The following RTL9 variants were observed in gnomAD, a reference collection of about 807,000 sequenced individuals.
The protein encoded by RTL9 is retrotransposon Gag like 9, also known as retrotransposon Gag-like protein 9.
A neutral mutation model predicts 44.7 loss-of-function variants in RTL9; 19 were observed. The observed-to-expected ratio is 0.42, with a 90% CI of 0.30 to 0.62. The LOEUF (loss-of-function observed/expected upper bound fraction) is 0.62, where lower values mean the gene tolerates loss of function less well. Among genes scored for constraint, RTL9 ranks in the 20% least tolerant of loss-of-function variants. RTL9 has a pLI of 0.16. For missense variants in RTL9, 1,105 were observed against 1,080.6 expected, an observed-to-expected ratio of 1.02 and a Z score of -0.32; for synonymous variants, 407 against 398.9, an observed-to-expected ratio of 1.02 and a Z score of -0.24.
At chrX:110,415,438 C>T (rs1455153822), upstream of RTL9, among the ~76,000 whole-genome samples, 1 of 111,721 alleles carries the variant, frequency 9.0e-6, no homozygotes, top group African/African-American at 3.3e-5. Flanking sequence ...TCCCCATTTT[C>T]AAAATGTTCT....
chrX:110,455,585 C>T lies in RTL9; in HGVS notation c.*264C>T, dbSNP rs145462146. 1.4e-3 allele frequency: 375 copies of T among 262,869 alleles called. 1 individual carries two copies. The highest frequency in any genetic ancestry group is 8.8e-3 in the Middle Eastern group (8 of 904). The allele number at this position is 262,869 out of a possible 1,213,427, so 21.7% of individuals were successfully genotyped here. A position where few individuals can be genotyped will look rare whatever the true frequency, so the allele number is the denominator to read the frequency against. On this transcript the variant is annotated 3_prime_UTR_variant, in exon 2 of 2. Coordinates refer to ENST00000540313, the Ensembl canonical transcript of RTL9. ...TTCTGAACTCCCATCACCACCGAGG[C>T]CAGTCCTAGTTCTTGGTCCAGGGAG...
At chrX:110,393,646 C>T (rs2068509558) in intron 1 of RTL9, among the ~76,000 whole-genome samples, 1 of 112,091 alleles carries the variant, frequency 8.9e-6, no homozygotes, top group Non-Finnish European at 1.9e-5. Flanking sequence ...CTTGGCCTAC[C>T]CTGGCCTGAG....
chrX:110,429,228 C>G (rs2068776998), intron 1 of RTL9, among the ~76,000 whole-genome samples: 1 of 110,600 alleles, frequency 9.0e-6, no homozygotes, highest in African/African-American at 3.3e-5. Context: ...AGGGCAAGGA[C>G]TCTATTTTGT....
chrX:110,445,447 A>G (rs2068903118), intron 2 of RTL9, among the ~76,000 whole-genome samples, 179 bp downstream of exon 2: 2 of 111,361 alleles, frequency 1.8e-5, no homozygotes, highest in South Asian at 7.7e-4. Context: ...CCCCCTCTTT[A>G]TTTATAAAGA....
intron 1 of RTL9, among the ~76,000 whole-genome samples, chrX:110,361,435 C>G (rs1299891001): frequency 9.0e-6 from 1 of 111,557 alleles, no homozygotes; most frequent in Non-Finnish European, 1.9e-5. Flanking sequence ...CTATTATTCT[C>G]TCACTGTTTT....
chrX:110,387,857 C>CTCTT (rs745786546), intron 1 of RTL9, among the ~76,000 whole-genome samples: 17 of 82,800 alleles, frequency 2.1e-4, no homozygotes, highest in African/African-American at 6.4e-4. Flanking sequence ...CTCCCTCTCT[C>CTCTT]TTTTTTTTTT....
chrX:110,426,027 G>T (rs2068751718), intron 1 of RTL9, among the ~76,000 whole-genome samples: 1 of 111,764 alleles, frequency 8.9e-6, no homozygotes, highest in African/African-American at 3.3e-5. Flanking sequence ...CACACATCCT[G>T]CATGGCCCTT....
At chrX:110,419,775 T>C (rs1393773082) in intron 1 of RTL9, among the ~76,000 whole-genome samples, 3 of 112,596 alleles carry the variant, frequency 2.7e-5, no homozygotes, top group African/African-American at 9.7e-5. Context: ...ACAGTTCTGT[T>C]TTAGAAACCA....
intron 1 of RTL9, among the ~76,000 whole-genome samples, chrX:110,405,963 T>C (rs776491660): frequency 8.9e-6 from 1 of 111,932 alleles, no homozygotes; most frequent in Admixed American, 9.5e-5. Context: ...AGACTGTAAT[T>C]ACAGCAATGA....
intron 1 of RTL9, among the ~76,000 whole-genome samples, chrX:110,376,338 A>C (rs2068376368): frequency 9.0e-6 from 1 of 110,850 alleles, no homozygotes; most frequent in African/African-American, 3.3e-5. Flanking sequence ...CTTGGCTGGT[A>C]GTTTGCAAGC....
chrX:110,384,917 T>C (rs998879690), intron 1 of RTL9, among the ~76,000 whole-genome samples: 4 of 110,927 alleles, frequency 3.6e-5, no homozygotes, highest in Admixed American at 9.7e-5. Flanking sequence ...CTTCCCTTTG[T>C]TTGGTTTATT....
At chrX:110,360,894 G>A (rs1354490973) in intron 1 of RTL9, among the ~76,000 whole-genome samples, 1 of 111,654 alleles carries the variant, frequency 9.0e-6, no homozygotes, top group Non-Finnish European at 1.9e-5. Context: ...GACTTCTGGA[G>A]TTGAAAGGTA....
chrX:110,361,205 G>A (rs763643241), intron 1 of RTL9, among the ~76,000 whole-genome samples: 2 of 110,926 alleles, frequency 1.8e-5, no homozygotes, highest in Admixed American at 9.6e-5. Flanking sequence ...TTGCTCAGGC[G>A]GAAGACCTAG....
intron 1 of RTL9, among the ~76,000 whole-genome samples, chrX:110,399,444 A>G (rs2068549925): frequency 8.9e-6 from 1 of 112,455 alleles, no homozygotes; most frequent in Non-Finnish European, 1.9e-5. Flanking sequence ...GCAGGTGGAG[A>G]TGACCCTGGT....
chrX:110,367,632 A>C (rs985573425), intron 1 of RTL9, among the ~76,000 whole-genome samples: 4 of 110,694 alleles, frequency 3.6e-5, no homozygotes, highest in Non-Finnish European at 7.6e-5. Flanking sequence ...TCTGATTGGC[A>C]TCTCAACTTG....
chrX:110,404,892 A>G (rs2148300375), intron 1 of RTL9, among the ~76,000 whole-genome samples: 1 of 112,031 alleles, frequency 8.9e-6, no homozygotes, highest in South Asian at 3.8e-4. Flanking sequence ...ATAACCAGGA[A>G]ACAAGAAAAT....
At chrX:110,381,220 C>G (rs756620918) in intron 1 of RTL9, among the ~76,000 whole-genome samples, 1 of 111,869 alleles carries the variant, frequency 8.9e-6, no homozygotes, top group Non-Finnish European at 1.9e-5. Flanking sequence ...CTATAAGGAA[C>G]TTAAATCAAC....
At chrX:110,376,332 G>A (rs1213404414) in intron 1 of RTL9, among the ~76,000 whole-genome samples, 1 of 110,765 alleles carries the variant, frequency 9.0e-6, no homozygotes, top group African/African-American at 3.3e-5. Flanking sequence ...GCTGGTCTTG[G>A]CTGGTAGTTT....
intron 1 of RTL9, among the ~76,000 whole-genome samples, chrX:110,386,760 T>TG (rs1178934259): frequency 8.9e-6 from 1 of 112,420 alleles, no homozygotes; most frequent in African/African-American, 3.2e-5. Flanking sequence ...TACACTACCC[T>TG]GCTCCTGCAC....
Sources: allele counts gnomAD v4.1 joint callset (sites outside exome capture counted in the v4.1 genomes callset), GRCh38; gene constraint gnomAD v4.1.1; transcripts MANE v1.5; gene names NCBI Gene and HGNC (gene_info 2026-07-23, HGNC 2026-07-21).